Variants in KNTC1 observed in about 807,000 individuals in gnomAD.
KNTC1 encodes kinetochore-associated protein 1.
In KNTC1, 253 loss-of-function variants were observed where a neutral mutation model predicts 314.4. That is an observed-to-expected ratio of 0.80 (90% CI 0.73 to 0.89). The LOEUF (loss-of-function observed/expected upper bound fraction) is 0.89. KNTC1 is among the 40% of genes least tolerant of loss of function. KNTC1 has a pLI of 0.00. For synonymous variants in KNTC1, 901 were observed against 901.4 expected (o/e 1.00, Z 0.01); for missense variants, 2,475 against 2,572.9 (o/e 0.96, Z 0.82).
chr12:122,603,246 A>G lies in KNTC1; in HGVS notation c.5101+3A>G. On this transcript the variant is annotated splice_donor_region_variant and intron_variant, in intron 48 of 63. Transcript: ENST00000333479. ...CCTTGCCCAGGATATCCCTGAAGGT[A>G]TGAGCTCTTCTTTTAAAATTGTAGT... 2.0e-6 allele frequency: 3 copies of G among 1,537,500 alleles called. No homozygotes were observed. The highest frequency in any genetic ancestry group is 2.3e-5 in the East Asian group (1 of 44,424).
At chr12:122,540,998 G>A (rs10847141) in intron 5 of KNTC1, among the ~76,000 whole-genome samples, 47,268 of 151,632 alleles carry the variant, frequency 0.31, 8,818 homozygotes, top group Admixed American at 0.39. Context: ...TAGAGAGACC[G>A]CCACCTCTAC....
chr12:122,574,126 C>A (rs1964874608), intron 26 of KNTC1, among the ~76,000 whole-genome samples, 156 bp from the exon 27 acceptor site: 1 of 151,976 alleles, frequency 6.6e-6, no homozygotes, highest in Non-Finnish European at 1.5e-5. Flanking sequence ...TATTTTTAGA[C>A]CATTGTTCAA....
intron 16 of KNTC1, among the ~76,000 whole-genome samples, chr12:122,556,406 A>G (rs1324463803): frequency 6.6e-6 from 1 of 151,676 alleles, no homozygotes; most frequent in Admixed American, 6.6e-5. Flanking sequence ...GAAGCTTTGC[A>G]GCCTTGAAAC....
At chr12:122,612,874 T>A in intron 53 of KNTC1, 1 of 485,296 alleles carries the variant, frequency 2.1e-6, no homozygotes, top group Non-Finnish European at 3.6e-6. Flanking sequence ...AAATAACATC[T>A]TAGTATCATG....
At chr12:122,562,580 G>A (rs1025750994) in intron 19 of KNTC1, 58 bp from the exon 20 acceptor site, 4 of 1,019,162 alleles carry the variant, frequency 3.9e-6, no homozygotes, top group Non-Finnish European at 6.0e-6. Flanking sequence ...CATTTTTAAT[G>A]TTTTAATTTC....
Position 122,613,756 on chromosome 12 carries a change from T to C in KNTC1, c.5872T>C (p.Ser1958Pro). 6.2e-7 allele frequency: 1 copy of C among 1,607,734 alleles called. No individual in the cohort carries two copies. The highest frequency in any genetic ancestry group is 8.5e-7 in the Non-Finnish European group (1 of 1,177,950). The change falls in exon 55 of 64, where the codon TCC (serine) becomes CCC (proline). Residue 1958 changes from serine (S) to proline (P), a missense_variant. Coordinates refer to ENST00000333479, the MANE Select transcript of KNTC1 (RefSeq NM_014708.6). ...KGLWKNHSHESMAVRLVTELC... is the reference protein window; with the variant it reads ...KGLWKNHSHEPMAVRLVTELC... ...TCTGTGGAAAAACCACAGCCACGAG[T>C]CCATGGTAGGTACACCTCACTGCCC... is the stretch of plus-strand genomic sequence containing the variant.
In KNTC1 at chr12:122,576,992, A is replaced by T. The variant is rs113598460; in HGVS notation, c.2684A>T (p.Tyr895Phe). The T allele has an allele frequency of 2.5e-6, 4 of 1,582,294 alleles. No individual in the cohort carries two copies. Among genetic ancestry groups the T allele is most frequent in the African/African-American group, 2.7e-5 (2 of 74,330 alleles). ...QAFMLSDDEI[Y>F]SLRIIDLIDR... ...TTTATGTTATCTGATGATGAGATCT[A>T]CAGTCTAAGAATTATTGACCTGATT... The change falls in exon 30 of 64, where the codon TAC (tyrosine) becomes TTC (phenylalanine). Residue 895 changes from tyrosine to phenylalanine, a missense_variant. Transcript: ENST00000333479.
chr12:122,613,880 G>A, intron 55 of KNTC1, 119 bp downstream of exon 55: 4 of 1,053,634 alleles, frequency 3.8e-6, no homozygotes, highest in Non-Finnish European at 5.1e-6. Context: ...TTGCTCTGTT[G>A]CCCAGGCTGG....
intron 22 of KNTC1, among the ~76,000 whole-genome samples, chr12:122,570,179 G>A (rs1414035524): frequency 1.3e-5 from 2 of 152,086 alleles, no homozygotes; most frequent in African/African-American, 4.8e-5. Context: ...GGTGATGGGT[G>A]ATGGGTGAGA....
chr12:122,559,341 A>C (rs1240763119), intron 18 of KNTC1, among the ~76,000 whole-genome samples: 1 of 152,016 alleles, frequency 6.6e-6, no homozygotes, highest in Admixed American at 6.6e-5. Flanking sequence ...CTCTGTCCCA[A>C]AAAAAATAAA....
chr12:122,549,752 G>T lies in KNTC1; in HGVS notation c.988-14G>T. ...ATTGATCTGCTAAATTAATTGCTCT[G>T]CTATTTTTCTTAGATGAAAAACCTC... On this transcript the variant is annotated splice_polypyrimidine_tract_variant and intron_variant, in intron 12 of 63. Transcript: ENST00000333479. The T allele has an allele frequency of 8.0e-7, 1 of 1,245,506 alleles. No homozygotes were observed. Among genetic ancestry groups the T allele is most frequent in the Admixed American group, 2.0e-5 (1 of 50,842 alleles). The allele number at this position is 1,245,506 out of a possible 1,614,324, so 77.2% of individuals were successfully genotyped here. A position where few individuals can be genotyped will look rare whatever the true frequency, so the allele number is the denominator to read the frequency against.
chr12:122,547,203 AAAAAATAC>A (rs1962843222), intron 10 of KNTC1, among the ~76,000 whole-genome samples: 1 of 151,822 alleles, frequency 6.6e-6, no homozygotes, highest in African/African-American at 2.4e-5. Context: ...CTAAAAATAC[AAAAAATAC>A]AAAAATACAA....
At chr12:122,573,637 A>G (rs1247506454) in intron 26 of KNTC1, among the ~76,000 whole-genome samples, 2 of 152,206 alleles carry the variant, frequency 1.3e-5, no homozygotes, top group Non-Finnish European at 1.5e-5. Flanking sequence ...GACACGAGGC[A>G]TCAGTCAGCA....
chr12:122,570,593 A>T (rs56990369), intron 22 of KNTC1, among the ~76,000 whole-genome samples: 5,393 of 152,174 alleles, frequency 0.035, 346 homozygotes, highest in African/African-American at 0.12. Context: ...ATATTTAAAA[A>T]TAACTAAAAG....
rs2138117009 is a variant in KNTC1, at chr12:122,603,072, GA to G, written c.4938del (p.Lys1646AsnfsTer2). Reference protein sequence around the residue: ...LYVSTAKHVFEKKLKPKLLKL... With the variant: ...LYVSTAKHVFXKKLKPKLLKL... ...CGTGTCTACAGCAAAACACGTTTTC[GA>G]AAAAAAACTGAAGCCAAAGCTCCTG... On this transcript the variant is annotated frameshift_variant, in exon 48 of 64. Transcript: ENST00000333479. LOFTEE classifies it high-confidence loss of function. The G allele has an allele frequency of 6.2e-7, 1 of 1,612,760 alleles. No homozygotes were observed. The highest frequency in any genetic ancestry group is 8.5e-7 in the Non-Finnish European group (1 of 1,179,534).
rs1322715494 is a variant in KNTC1, at chr12:122,544,189, T to C, written c.589T>C (p.Ser197Pro). ...LQGQIKSSFI[S>P]TENYHTLGCL... ...AGGACAAATCAAGTCCAGTTTTATT[T>C]CTACTGAAAATTATCATACTCTTGG... The change falls in exon 8 of 64, where the codon TCT becomes CCT. Residue 197 changes from serine (S) to proline (P), a missense_variant. By Grantham distance (74) the Ser-to-Pro change is moderately conservative (BLOSUM62 -1). Coordinates refer to ENST00000333479, the MANE Select transcript of KNTC1 (RefSeq NM_014708.6). 6.3e-7 allele frequency: 1 copy of C among 1,576,382 alleles called. No homozygotes were observed. The highest frequency in any genetic ancestry group is 8.6e-7 in the Non-Finnish European group (1 of 1,164,926).
chr12:122,543,230 A>G (rs1962486650), intron 6 of KNTC1, among the ~76,000 whole-genome samples: 1 of 152,222 alleles, frequency 6.6e-6, no homozygotes, highest in Middle Eastern at 3.2e-3. Flanking sequence ...TATTTTTAAA[A>G]TACTGACTTG....
Position 122,603,172 on chromosome 12 carries a change from G to C in KNTC1, c.5030G>C (p.Cys1677Ser). 1 of 1,613,146 alleles carries C rather than the reference G, an allele frequency of 6.2e-7. No individual in the cohort carries two copies. Among genetic ancestry groups the C allele is most frequent in the Non-Finnish European group, 8.5e-7 (1 of 1,179,656 alleles). ...ITKITQTIES[C>S]LLSIVNPEWA... ...AAGATCACGCAGACCATCGAATCCT[G>C]CTTACTCTCTATAGTCAACCCAGAG... Residue 1677 changes from cysteine to serine, a missense_variant, in exon 48 of 64, where the codon TGC becomes TCC. Physicochemically the swap from Cys to Ser is moderately radical, Grantham distance 112 (BLOSUM62 -1). Transcript: ENST00000333479.
intron 43 of KNTC1, 60 bp from the exon 44 acceptor site, chr12:122,597,671 T>C: frequency 7.2e-7 from 1 of 1,385,790 alleles, no homozygotes; most frequent in Non-Finnish European, 1.0e-6. Context: ...TTTTGTCAGA[T>C]ACTTTGCATG....
Sources: gnomAD v4.1 joint callset for allele counts (sites outside exome capture counted in the v4.1 genomes callset) on GRCh38, gnomAD v4.1.1 for gene constraint, MANE v1.5 for transcripts, NCBI Gene and HGNC (gene_info 2026-07-23, HGNC 2026-07-21) for gene names.